The following EXOC6B variants were observed in gnomAD, a reference collection of about 807,000 sequenced individuals.
EXOC6B encodes exocyst complex component 6B.
A neutral mutation model predicts 113.5 loss-of-function variants in EXOC6B; 54 were observed. The observed-to-expected ratio is 0.48, with a 90% CI of 0.38 to 0.60. EXOC6B has a LOEUF of 0.60. Among genes scored for constraint, EXOC6B ranks in the 20% least tolerant of loss-of-function variants. The pLI, the probability that EXOC6B is intolerant of heterozygous loss-of-function variation, is 0.00. For missense variants in EXOC6B, 797 were observed against 977.5 expected, an observed-to-expected ratio of 0.82 and a Z score of 2.46; for synonymous variants, 357 against 339.0, an observed-to-expected ratio of 1.05 and a Z score of -0.58.
chr2:72,368,662 T>C (rs1410348547), intron 19 of EXOC6B, among the ~76,000 whole-genome samples: 3 of 152,118 alleles, frequency 2.0e-5, no homozygotes, highest in East Asian at 1.9e-4. Context: ...AAAGCTTATC[T>C]ACCACAATCA....
rs150706404 is a variant in EXOC6B, at chr2:72,477,736, G to A, written c.1800+2880C>T. On this transcript the variant is annotated intron_variant, in intron 17 of 21. Transcript: ENST00000272427. The stretch of plus-strand genomic sequence containing the variant: ...CTTATCGTCCATACCATTAGTGATA[G>A]ATACATCATTGCCAGACTGACCCCC... 2.6e-5 allele frequency among the ~76,000 whole-genome samples: 4 copies of A among 152,314 alleles called. No individual in the cohort carries two copies. In the East Asian group the frequency reaches 7.7e-4, roughly 29 times the overall value.
chr2:72,815,539 A>C (rs535275415), intron 1 of EXOC6B, among the ~76,000 whole-genome samples: 4 of 152,152 alleles, frequency 2.6e-5, no homozygotes, highest in African/African-American at 9.6e-5. Context: ...TAGAAAAATA[A>C]GCAAAAGACA....
intron 1 of EXOC6B, among the ~76,000 whole-genome samples, chr2:72,791,169 T>G (rs1684653816): frequency 6.6e-6 from 1 of 152,210 alleles, no homozygotes; most frequent in Non-Finnish European, 1.5e-5. Context: ...TTTGAGATGA[T>G]GGGTATGCTA....
intron 18 of EXOC6B, among the ~76,000 whole-genome samples, chr2:72,387,854 A>T (rs1054859650): frequency 6.6e-6 from 1 of 151,650 alleles, no homozygotes; most frequent in Non-Finnish European, 1.5e-5. Context: ...CCTTTTTCCT[A>T]TTGAGCTGGG....
chr2:72,442,323 T>TC (rs377748580), intron 18 of EXOC6B, among the ~76,000 whole-genome samples: 3,565 of 150,926 alleles, frequency 0.024, 72 homozygotes, highest in Non-Finnish European at 0.039. Context: ...CTGAACACAT[T>TC]CCCCCCCGCA....
intron 17 of EXOC6B, among the ~76,000 whole-genome samples, chr2:72,472,950 A>T (rs1038621073): frequency 6.6e-6 from 1 of 152,134 alleles, no homozygotes; most frequent in Non-Finnish European, 1.5e-5. Context: ...GTTGTTCAGG[A>T]GCATGTTGTT....
chr2:72,224,347 C>A (rs972675482), intron 20 of EXOC6B, among the ~76,000 whole-genome samples: 1 of 152,078 alleles, frequency 6.6e-6, no homozygotes, highest in Non-Finnish European at 1.5e-5. Context: ...AATATTTCTA[C>A]CCCCTACCAC....
At chr2:72,664,781 T>A (rs935278296) in intron 6 of EXOC6B, among the ~76,000 whole-genome samples, 1 of 152,338 alleles carries the variant, frequency 6.6e-6, no homozygotes, top group Admixed American at 6.5e-5. Flanking sequence ...TAGGAGTGTG[T>A]GCACAGCGTA....
At chr2:72,241,070 T>C (rs933408551) in intron 20 of EXOC6B, among the ~76,000 whole-genome samples, 7 of 152,144 alleles carry the variant, frequency 4.6e-5, no homozygotes, top group Admixed American at 4.6e-4. Context: ...GATTGAAAGA[T>C]AAAAACTGAA....
At chr2:72,397,549 G>C (rs181341583) in intron 18 of EXOC6B, among the ~76,000 whole-genome samples, 1 of 150,808 alleles carries the variant, frequency 6.6e-6, no homozygotes, top group East Asian at 1.9e-4. Context: ...GAGCCCAGGA[G>C]GCAGAGGTTG....
intron 6 of EXOC6B, among the ~76,000 whole-genome samples, chr2:72,656,735 A>G (rs1458513752): frequency 2.0e-5 from 3 of 152,238 alleles, no homozygotes; most frequent in African/African-American, 4.8e-5. Context: ...AGAGATGACT[A>G]CTACTATCAG....
chr2:72,178,845 CT>C lies in EXOC6B; in HGVS notation c.*489del, dbSNP rs1215119151. ...GAGGAGATGACCCTCCAGAGCTGCC[CT>C]TAGTGTACTAAATAGTAATGTTTGC... On this transcript the variant is annotated 3_prime_UTR_variant, in exon 22 of 22. Coordinates refer to ENST00000272427, the MANE Select transcript of EXOC6B (RefSeq NM_015189.3). 1.3e-5 allele frequency: 2 copies of C among 153,300 alleles called. No individual in the cohort carries two copies. The highest frequency in any genetic ancestry group is 4.8e-5 in the African/African-American group (2 of 41,438). 9.5% of individuals were successfully genotyped at this position (153,300 alleles called of 1,614,324 possible). A position where few individuals can be genotyped will look rare whatever the true frequency, so the allele number is the denominator to read the frequency against.
At chr2:72,593,182 C>CAT (rs1706083331) in intron 6 of EXOC6B, among the ~76,000 whole-genome samples, 1 of 152,122 alleles carries the variant, frequency 6.6e-6, no homozygotes, top group Non-Finnish European at 1.5e-5. Context: ...TTGTCCTATG[C>CAT]ATATCTTCCA....
chr2:72,646,535 C>T (rs570912871), intron 6 of EXOC6B, among the ~76,000 whole-genome samples: 80 of 151,702 alleles, frequency 5.3e-4, no homozygotes, highest in African/African-American at 1.7e-3. Context: ...TGATGAACAT[C>T]GATGCGAAAA....
chr2:72,521,685 G>C (rs915562881), intron 8 of EXOC6B, among the ~76,000 whole-genome samples: 2 of 152,064 alleles, frequency 1.3e-5, no homozygotes, highest in Non-Finnish European at 2.9e-5. Context: ...GACATAGAAG[G>C]CAAGCAAGGC....
chr2:72,636,809 C>G (rs1243368284), intron 6 of EXOC6B, among the ~76,000 whole-genome samples: 1 of 151,998 alleles, frequency 6.6e-6, no homozygotes, highest in East Asian at 1.9e-4. Flanking sequence ...ACGTACAATT[C>G]TAGCCACTGC....
At chr2:72,429,137 G>A (rs1695377702) in intron 18 of EXOC6B, among the ~76,000 whole-genome samples, 1 of 152,118 alleles carries the variant, frequency 6.6e-6, no homozygotes, top group African/African-American at 2.4e-5. Flanking sequence ...AAACTTTTCT[G>A]AAAGTCATCA....
At position 72,567,090 on chromosome 2, in the gene EXOC6B, TTG is replaced by T. The variant is rs371641579; in HGVS notation, c.847-7571_847-7570del. On this transcript the variant is annotated intron_variant, in intron 7 of 21. Coordinates refer to ENST00000272427, the MANE Select transcript of EXOC6B (RefSeq NM_015189.3). Reference sequence around the variant, plus strand: ...TATATCTTCTTATATAGTTTTGCCTTTGAATCATGTTCATATTTTAAATAGTC... The same window carrying T: ...TATATCTTCTTATATAGTTTTGCCTTAATCATGTTCATATTTTAAATAGTC... Among the ~76,000 whole-genome samples the T allele has an allele frequency of 7.2e-5, 11 of 152,160 alleles. 1 individual carries two copies. The East Asian group carries it at 2.1e-3, about 29-fold the overall frequency.
rs1386876560 is a variant in EXOC6B, at chr2:72,481,734, C to T, written c.1666-984G>A. 2.0e-5 allele frequency among the ~76,000 whole-genome samples: 3 copies of T among 152,100 alleles called. No homozygotes were observed. In the East Asian group the frequency reaches 5.8e-4, roughly 29 times the overall value. On this transcript the variant is annotated intron_variant, in intron 16 of 21. Transcript: ENST00000272427. ...AAAATGTCAATAATAATGTCTACTTCACAGAGTTATTGTGAGGATTAAATA... is the reference window on the plus strand; with the variant it reads ...AAAATGTCAATAATAATGTCTACTTTACAGAGTTATTGTGAGGATTAAATA...
Sources: allele counts gnomAD v4.1 joint callset (sites outside exome capture counted in the v4.1 genomes callset), GRCh38; gene constraint gnomAD v4.1.1; transcripts MANE v1.5; gene names NCBI Gene and HGNC (gene_info 2026-07-23, HGNC 2026-07-21).